The following TMEM131 variants were observed in gnomAD, a reference collection of about 807,000 sequenced individuals.
TMEM131 encodes the protein 2610524E03Rik.
TMEM131 carries 66 observed loss-of-function variants against 211.6 expected under a neutral mutation model. The ratio of observed to expected loss-of-function variants is 0.31; its 90% CI spans 0.26 to 0.38. TMEM131 has a LOEUF of 0.38. Ranked by LOEUF, TMEM131 falls within the 10% of genes least tolerant of loss-of-function variation. TMEM131 has a pLI of 1.00. For synonymous variants in TMEM131, 844 were observed against 841.3 expected (o/e 1.00, Z -0.06); for missense variants, 2,036 against 2,299.3 (o/e 0.89, Z 2.34).
At chr2:97,986,485 C>G (rs1680033332) in intron 1 of TMEM131, among the ~76,000 whole-genome samples, 2 of 152,136 alleles carry the variant, frequency 1.3e-5, no homozygotes, top group African/African-American at 4.8e-5. Flanking sequence ...TCAATTTAAA[C>G]AAGAATTTCT....
intron 1 of TMEM131, among the ~76,000 whole-genome samples, chr2:97,974,361 TA>T (rs1380193230): frequency 6.6e-6 from 1 of 152,062 alleles, no homozygotes; most frequent in Non-Finnish European, 1.5e-5. Flanking sequence ...TCAAGCTGTC[TA>T]ATGCCTGCAG....
At chr2:97,833,599 T>C (rs1682809600) in intron 10 of TMEM131, among the ~76,000 whole-genome samples, 173 bp from the exon 11 acceptor site, 1 of 151,954 alleles carries the variant, frequency 6.6e-6, no homozygotes, top group Non-Finnish European at 1.5e-5. Flanking sequence ...GGACATTGTG[T>C]ATTATAAGAA....
rs115386048 is a variant in TMEM131, at chr2:97,914,345, G to A, written c.250-5647C>T. ...GGCATAACATCACAAGCAGCACAGC[G>A]ACACTGGTACGATCCACCTGCCTTG... On this transcript the variant is annotated intron_variant, in intron 2 of 40. Coordinates refer to ENST00000186436, the MANE Select transcript of TMEM131 (RefSeq NM_015348.2). 1.4e-3 allele frequency among the ~76,000 whole-genome samples: 216 copies of A among 152,286 alleles called. 1 individual carries two copies. Among genetic ancestry groups the A allele is most frequent in the African/African-American group, 4.9e-3 (204 of 41,570 alleles).
At chr2:97,912,077 C>A (rs1676314140) in intron 2 of TMEM131, among the ~76,000 whole-genome samples, 1 of 151,998 alleles carries the variant, frequency 6.6e-6, no homozygotes, top group South Asian at 2.1e-4. Context: ...CAATTTAATA[C>A]AAAATGCAGA....
In TMEM131 at chr2:97,797,370, T is replaced by A. The variant is rs1435878862; in HGVS notation, c.2865A>T (p.Ile955=). 6.2e-7 allele frequency: 1 copy of A among 1,603,956 alleles called. No homozygotes were observed. The highest frequency in any genetic ancestry group is 1.3e-5 in the African/African-American group (1 of 74,438). The change falls in exon 26 of 41, where the codon ATA becomes ATT. Residue 955 remains isoleucine, a synonymous_variant. Transcript: ENST00000186436. ...VHNRTVSSLI[I]VRNNLTVMDA... ...ACCTATATCACAGAACCTACCTGAC[T>A]ATGATAAGTGAAGAAACAGTTCTGT...
At chr2:97,906,811 G>C (rs1025730792) in intron 3 of TMEM131, among the ~76,000 whole-genome samples, 1 of 152,186 alleles carries the variant, frequency 6.6e-6, no homozygotes, top group African/African-American at 2.4e-5. Flanking sequence ...GAGACAAGCT[G>C]TCTTTGCTGT....
chr2:97,853,256 C>T (rs1673699082), intron 5 of TMEM131, among the ~76,000 whole-genome samples: 2 of 152,004 alleles, frequency 1.3e-5, no homozygotes, highest in African/African-American at 4.8e-5. Context: ...TGGGCAAAGT[C>T]CATTGAAAAC....
chr2:97,813,328 C>T (rs1307512329), intron 15 of TMEM131, among the ~76,000 whole-genome samples: 2 of 152,156 alleles, frequency 1.3e-5, no homozygotes, highest in Non-Finnish European at 2.9e-5. Flanking sequence ...AAATTCTAAT[C>T]GATGCCAACT....
At chr2:97,760,949 A>G in intron 36 of TMEM131, 35 bp from the exon 37 acceptor site, 1 of 1,612,290 alleles carries the variant, frequency 6.2e-7, no homozygotes, top group Non-Finnish European at 8.5e-7. Context: ...CTCATTCCTC[A>G]TCAGCAGTGC....
intron 1 of TMEM131, among the ~76,000 whole-genome samples, chr2:97,935,771 C>T (rs1022853920): frequency 6.6e-6 from 1 of 152,188 alleles, no homozygotes; most frequent in Non-Finnish European, 1.5e-5. Context: ...TCTAAGAACT[C>T]TGGCAATTAA....
chr2:97,792,476 C>T lies in TMEM131; in HGVS notation c.4054G>A (p.Glu1352Lys). The change falls in exon 31 of 41, where the codon GAA becomes AAA. Residue 1352 changes from glutamate (E) to lysine (K), a missense_variant. This residue lies in a region of TMEM131 where 1,623 missense variants were observed against 1,805.9 expected (regional missense o/e 0.90). Transcript: ENST00000186436. ...TGGTCGAAGTCTTTGTCCATGGCTT[C>T]TATGAGACTGGTGATGTCCGAGTCC... ...SEDSDITSLI[E>K]AMDKDFDHHD... 1 of 1,613,702 alleles carries T rather than the reference C, an allele frequency of 6.2e-7. No homozygotes were observed. The highest frequency in any genetic ancestry group is 8.5e-7 in the Non-Finnish European group (1 of 1,179,794).
At chr2:97,954,442 A>G (rs1193092442) in intron 1 of TMEM131, among the ~76,000 whole-genome samples, 1 of 152,194 alleles carries the variant, frequency 6.6e-6, no homozygotes, top group Non-Finnish European at 1.5e-5. Flanking sequence ...ACAAACTACC[A>G]AAGCTCAACC....
At chr2:97,948,690 C>T (rs986815978) in intron 1 of TMEM131, among the ~76,000 whole-genome samples, 3 of 151,970 alleles carry the variant, frequency 2.0e-5, no homozygotes, top group South Asian at 2.1e-4. Flanking sequence ...CGGAGCCTCG[C>T]GCTGTCGCCC....
chr2:97,915,668 G>A (rs1479771540), intron 2 of TMEM131, among the ~76,000 whole-genome samples: 2 of 151,962 alleles, frequency 1.3e-5, no homozygotes, highest in Non-Finnish European at 2.9e-5. Flanking sequence ...TAAATTCATC[G>A]ATCTTTCCTT....
chr2:97,911,562 G>GA (rs1280053994), intron 2 of TMEM131: 2 of 945,504 alleles, frequency 2.1e-6, no homozygotes, highest in African/African-American at 1.8e-5. Flanking sequence ...TTCTTGAGGA[G>GA]AAAAAAATTA....
chr2:97,801,598 T>C (rs1001263078), intron 25 of TMEM131, among the ~76,000 whole-genome samples: 11 of 152,328 alleles, frequency 7.2e-5, no homozygotes, highest in African/African-American at 2.4e-4. Context: ...GATGTATTAA[T>C]ATTTACCTCA....
intron 4 of TMEM131, among the ~76,000 whole-genome samples, chr2:97,885,834 A>C (rs1675134364): frequency 6.6e-6 from 1 of 152,132 alleles, no homozygotes; most frequent in Non-Finnish European, 1.5e-5. Flanking sequence ...AAGACTTGGG[A>C]AGTTTTCAGC....
chr2:97,877,202 G>A (rs1451245111), intron 4 of TMEM131, among the ~76,000 whole-genome samples: 14 of 152,064 alleles, frequency 9.2e-5, no homozygotes, highest in Non-Finnish European at 1.8e-4. Context: ...AGGAAATTAA[G>A]AGAGGACACA....
intron 3 of TMEM131, among the ~76,000 whole-genome samples, chr2:97,893,141 G>A (rs1216258663): frequency 6.6e-6 from 1 of 152,178 alleles, no homozygotes; most frequent in Non-Finnish European, 1.5e-5. Context: ...AACATGAGGT[G>A]TTTGGTTTTC....
Sources: gnomAD v4.1 joint callset for allele counts (sites outside exome capture counted in the v4.1 genomes callset) on GRCh38, gnomAD v4.1.1 for gene constraint, gnomAD v4.1.1 regional missense constraint, MANE v1.5 for transcripts, NCBI Gene and HGNC (gene_info 2026-07-23, HGNC 2026-07-21) for gene names.